TTLL11: variants seen among roughly 807,000 people sequenced by gnomAD.
TTLL11 encodes tubulin polyglutamylase TTLL11.
A neutral mutation model predicts 51.7 loss-of-function variants in TTLL11; 42 were observed. The ratio of observed to expected loss-of-function variants is 0.81; its 90% CI spans 0.64 to 1.05. The LOEUF (loss-of-function observed/expected upper bound fraction) is 1.05, where lower values mean the gene tolerates loss of function less well. Among genes scored for constraint, TTLL11 ranks in the 50% least tolerant of loss-of-function variants. The probability of loss-of-function intolerance (pLI) is 0.00; values close to 1 mark genes in which losing one functional copy is unlikely to be tolerated. For synonymous variants in TTLL11, 381 were observed against 383.5 expected, an observed-to-expected ratio of 0.99 and a Z score of 0.08; for missense variants, 799 against 940.4, an observed-to-expected ratio of 0.85 and a Z score of 1.97.
chr9:121,857,876 A>G (rs558890922), intron 8 of TTLL11, among the ~76,000 whole-genome samples: 33 of 152,290 alleles, frequency 2.2e-4, no homozygotes, highest in Admixed American at 5.2e-4. Context: ...TGCAGCAATA[A>G]AACATGATAA....
intron 8 of TTLL11, among the ~76,000 whole-genome samples, chr9:121,846,046 T>C (rs1054705543): frequency 1.4e-5 from 2 of 140,454 alleles, no homozygotes; most frequent in Non-Finnish European, 3.1e-5. Flanking sequence ...ACTTTAAATG[T>C]AAAAACAACA....
At chr9:122,083,837 T>C (rs1027956644) in intron 1 of TTLL11, among the ~76,000 whole-genome samples, 1 of 151,920 alleles carries the variant, frequency 6.6e-6, no homozygotes, top group African/African-American at 2.4e-5. Flanking sequence ...TCTGTAAAGA[T>C]ACATATCAAA....
At chr9:121,843,141 G>C (rs1436154446) in intron 8 of TTLL11, among the ~76,000 whole-genome samples, 2 of 151,664 alleles carry the variant, frequency 1.3e-5, no homozygotes, top group African/African-American at 4.9e-5. Flanking sequence ...TTCAAGACCA[G>C]CCTCAGCAAC....
intron 8 of TTLL11, among the ~76,000 whole-genome samples, chr9:121,828,421 C>T (rs1836891303): frequency 6.6e-6 from 1 of 152,126 alleles, no homozygotes; most frequent in African/African-American, 2.4e-5. Flanking sequence ...CTGATCCGCC[C>T]ACCTTGGCCT....
rs186722478 is a variant in TTLL11 at position 121,820,195 on chromosome 9, T to A, written c.*2392A>T. On this transcript the variant is annotated 3_prime_UTR_variant, in exon 9 of 9. Coordinates refer to ENST00000321582, the MANE Select transcript of TTLL11 (RefSeq NM_001139442.2). ...TCACCCCAAACAAGGTGGCTGGAAT[T>A]CAACCTCTTGATTTTATTTTTCAAA... 6.6e-6 allele frequency among the ~76,000 whole-genome samples: 1 copy of A among 152,386 alleles called. No homozygotes were observed. The highest frequency in any genetic ancestry group is 1.5e-5 in the Non-Finnish European group (1 of 68,042).
intron 6 of TTLL11, among the ~76,000 whole-genome samples, chr9:121,908,617 C>G (rs955394430): frequency 6.6e-6 from 1 of 152,214 alleles, no homozygotes; most frequent in Admixed American, 6.5e-5. Flanking sequence ...GTTTTCTCTA[C>G]TCATCTCTTC....
At chr9:122,009,670 T>C (rs1454413780) in intron 3 of TTLL11, among the ~76,000 whole-genome samples, 1 of 151,558 alleles carries the variant, frequency 6.6e-6, no homozygotes, top group African/African-American at 2.4e-5. Context: ...GAAGAATGAA[T>C]GTTGTATATA....
chr9:121,874,631 T>C lies in TTLL11; in HGVS notation c.1482-3883A>G, dbSNP rs1203114444. On this transcript the variant is annotated intron_variant, in intron 6 of 8. Transcript: ENST00000321582. ...TTCATCAGTGTAATTTCTCATGACA[T>C]GACATATTCTGTATTAATTAACCAT... Among the ~76,000 whole-genome samples, 3 of 152,222 alleles carry C rather than the reference T, an allele frequency of 2.0e-5. No homozygotes were observed. The East Asian group carries it at 5.8e-4, about 29-fold the overall frequency.
At chr9:121,999,770 T>G (rs1014352208) in intron 3 of TTLL11, among the ~76,000 whole-genome samples, 6 of 152,192 alleles carry the variant, frequency 3.9e-5, no homozygotes, top group African/African-American at 1.4e-4. Flanking sequence ...TTGCATGTGA[T>G]TCAACCTCAT....
chr9:122,033,719 A>G (rs564867767), intron 2 of TTLL11, among the ~76,000 whole-genome samples: 65 of 152,346 alleles, frequency 4.3e-4, no homozygotes, highest in African/African-American at 1.4e-3. Flanking sequence ...AAAGTGCAAT[A>G]AATCTAAAGA....
At chr9:122,041,249 C>G (rs1369009945) in intron 1 of TTLL11, among the ~76,000 whole-genome samples, 2 of 152,254 alleles carry the variant, frequency 1.3e-5, no homozygotes, top group East Asian at 1.9e-4. Flanking sequence ...TTAATTAAGT[C>G]CCAGGATTTC....
At chr9:122,074,452 T>C (rs370062353) in intron 1 of TTLL11, among the ~76,000 whole-genome samples, 17 of 152,314 alleles carry the variant, frequency 1.1e-4, no homozygotes, top group South Asian at 2.1e-4. Context: ...TGATTTAAAC[T>C]GGGAATTGAG....
At chr9:121,877,701 T>A (rs1838620726) in intron 6 of TTLL11, among the ~76,000 whole-genome samples, 1 of 152,176 alleles carries the variant, frequency 6.6e-6, no homozygotes, top group Non-Finnish European at 1.5e-5. Flanking sequence ...AACTGCAATT[T>A]AAAAAAATTT....
Position 121,962,608 on chromosome 9 carries a change from A to G in TTLL11, c.1481+11401T>C, listed in dbSNP as rs80114737. Among the ~76,000 whole-genome samples, 502 of 152,312 alleles carry G rather than the reference A, an allele frequency of 3.3e-3. 12 individuals carry two copies. The East Asian group carries it at 0.068, about 21-fold the overall frequency. On this transcript the variant is annotated intron_variant, in intron 6 of 8. Coordinates refer to ENST00000321582, the MANE Select transcript of TTLL11 (RefSeq NM_001139442.2). ...ACTATCAGTGATTTCATATGACTCA[A>G]TCTAGTCCTTGGCTCACCAGGTCTT... is the stretch of plus-strand genomic sequence containing the variant.
intron 8 of TTLL11, among the ~76,000 whole-genome samples, chr9:121,826,215 TATGCACAC>T (rs1470280658): frequency 1.2e-4 from 11 of 94,468 alleles, no homozygotes; most frequent in African/African-American, 3.1e-4. Flanking sequence ...TATATATATA[TATGCACAC>T]ATATATATAT....
intron 3 of TTLL11, among the ~76,000 whole-genome samples, chr9:122,026,262 A>G (rs1005999979): frequency 2.6e-5 from 4 of 151,980 alleles, no homozygotes; most frequent in Admixed American, 2.0e-4. Context: ...AACATGGTGA[A>G]ACCCATCTGT....
chr9:121,874,526 T>A (rs1345593160), intron 6 of TTLL11, among the ~76,000 whole-genome samples: 2 of 152,230 alleles, frequency 1.3e-5, no homozygotes, highest in African/African-American at 4.8e-5. Flanking sequence ...TTTATAAAGT[T>A]AGGATTACAT....
intron 6 of TTLL11, among the ~76,000 whole-genome samples, chr9:121,902,591 TG>T (rs1839813677): frequency 1.3e-5 from 2 of 152,076 alleles, no homozygotes; most frequent in Non-Finnish European, 2.9e-5. Flanking sequence ...TCTACCGAGT[TG>T]TTTTTTTTTT....
At chr9:121,832,351 A>G (rs1837044496) in intron 8 of TTLL11, among the ~76,000 whole-genome samples, 2 of 151,756 alleles carry the variant, frequency 1.3e-5, no homozygotes, top group South Asian at 2.1e-4. Flanking sequence ...CACTCAGAAA[A>G]CCCCTCACAG....
Sources: gnomAD v4.1 joint callset for allele counts (sites outside exome capture counted in the v4.1 genomes callset) on GRCh38, gnomAD v4.1.1 for gene constraint, MANE v1.5 for transcripts, NCBI Gene and HGNC (gene_info 2026-07-23, HGNC 2026-07-21) for gene names.